Variants in VPS13B observed in about 807,000 individuals in gnomAD.
VPS13B encodes intermembrane lipid transfer protein VPS13B.
Under a neutral mutation model 426.4 loss-of-function variants are expected in VPS13B, and 285 were observed. The observed-to-expected ratio is 0.67, with a 90% CI of 0.61 to 0.74. The LOEUF (loss-of-function observed/expected upper bound fraction) is 0.74. Ranked by LOEUF, VPS13B falls within the 30% of genes least tolerant of loss-of-function variation. VPS13B has a pLI of 0.00. For synonymous variants in VPS13B, 1,676 were observed against 1,676.4 expected (o/e 1.00, Z 0.01); for missense variants, 4,537 against 4,782.6 (o/e 0.95, Z 1.51).
At chr8:99,080,150 A>G (rs1260338903) in intron 3 of VPS13B, among the ~76,000 whole-genome samples, 1 of 151,404 alleles carries the variant, frequency 6.6e-6, no homozygotes, top group Non-Finnish European at 1.5e-5. Context: ...ATTTTGTTGC[A>G]TGTTAGGTGT....
At chr8:99,480,503 G>A (rs569295999) in intron 24 of VPS13B, among the ~76,000 whole-genome samples, 19 of 152,044 alleles carry the variant, frequency 1.2e-4, no homozygotes, top group African/African-American at 4.6e-4. Flanking sequence ...TTTAAAAACT[G>A]GTTTGCAACA....
intron 3 of VPS13B, among the ~76,000 whole-genome samples, chr8:99,052,539 G>A (rs993973165): frequency 2.2e-5 from 3 of 134,708 alleles, no homozygotes; most frequent in Admixed American, 7.5e-5. Context: ...GATGATGCTG[G>A]CCTCATAAAA....
rs1200705406 is a variant in VPS13B at position 99,640,025 on chromosome 8, T to TAAG, written c.5221-1763_5221-1761dup. Among the ~76,000 whole-genome samples, 145 of 104,314 alleles carry TAAG rather than the reference T, an allele frequency of 1.4e-3. 2 individuals are homozygous for TAAG. Among genetic ancestry groups the TAAG allele is most frequent in the East Asian group, 7.9e-3 (31 of 3,902 alleles). The allele number at this position is 104,314 out of a possible 152,430, so 68.4% of individuals were successfully genotyped here. On this transcript the variant is annotated intron_variant, in intron 33 of 61. Coordinates refer to ENST00000357162, the MANE Select transcript of VPS13B (RefSeq NM_152564.5). ...ATAATAATAATAATAATAATAATAA[T>TAAG]AAGAAGAAGAAGAAGAAGAAGAAGA...
chr8:99,513,015 GAAAA>G (rs201570928), intron 29 of VPS13B, among the ~76,000 whole-genome samples: 3 of 103,514 alleles, frequency 2.9e-5, no homozygotes, highest in African/African-American at 1.1e-4. Context: ...TCTCAAGTGG[GAAAA>G]AAAAAAAAAA....
chr8:99,587,951 T>C (rs1826393922), intron 33 of VPS13B, among the ~76,000 whole-genome samples: 1 of 151,816 alleles, frequency 6.6e-6, no homozygotes, highest in Non-Finnish European at 1.5e-5. Flanking sequence ...TTTCATGGTT[T>C]TAGGTCTAAC....
At chr8:99,348,088 A>T (rs565611220) in intron 19 of VPS13B, 1 of 152,312 alleles carries the variant, frequency 6.6e-6, no homozygotes. Flanking sequence ...GCCTGGGGTC[A>T]TCTAGGTATC....
At chr8:99,840,843 A>C (rs1298538689) in intron 54 of VPS13B, among the ~76,000 whole-genome samples, 1 of 152,222 alleles carries the variant, frequency 6.6e-6, no homozygotes, top group African/African-American at 2.4e-5. Flanking sequence ...AGGAATTTTT[A>C]TAAAGAAAAA....
chr8:99,604,495 GTTTTTTTT>G (rs767971168), intron 33 of VPS13B, among the ~76,000 whole-genome samples: 1 of 115,260 alleles, frequency 8.7e-6, no homozygotes, highest in African/African-American at 3.3e-5. Flanking sequence ...TTTCCTTGGT[GTTTTTTTT>G]TTTTTTTTTT....
intron 19 of VPS13B, among the ~76,000 whole-genome samples, chr8:99,338,040 C>G (rs1450587380): frequency 6.6e-6 from 1 of 152,022 alleles, no homozygotes; most frequent in Non-Finnish European, 1.5e-5. Context: ...GAATTCTATT[C>G]TGGTTTTTTA....
At chr8:99,111,056 C>A in intron 5 of VPS13B, 42 bp from the exon 6 acceptor site, 1 of 1,535,326 alleles carries the variant, frequency 6.5e-7, no homozygotes, top group South Asian at 1.2e-5. Flanking sequence ...CTTTCCCCTG[C>A]TAATTTTCCT....
Position 99,808,993 on chromosome 8 carries a change from T to TTA in VPS13B, c.7942-381_7942-380insAT, listed in dbSNP as rs1303340869. ...AAAAACCCACAAACCAAATTTAGCT[T>TTA]TCATTACTGTCTAGCCATAAGAAGG... On this transcript the variant is annotated intron_variant, in intron 43 of 61. Coordinates refer to ENST00000357162, the MANE Select transcript of VPS13B (RefSeq NM_152564.5). Among the ~76,000 whole-genome samples the TTA allele has an allele frequency of 6.6e-5, 10 of 152,092 alleles. No homozygotes were observed. In the South Asian group the frequency reaches 1.2e-3, roughly 19 times the overall value.
At chr8:99,500,917 A>G (rs866838567) in intron 25 of VPS13B, among the ~76,000 whole-genome samples, 5 of 152,314 alleles carry the variant, frequency 3.3e-5, no homozygotes, top group Middle Eastern at 3.4e-3. Context: ...CCAAAAACAA[A>G]CAAACAAGAC....
chr8:99,567,605 G>A (rs560755656), intron 31 of VPS13B, among the ~76,000 whole-genome samples: 1 of 151,688 alleles, frequency 6.6e-6, no homozygotes, highest in Non-Finnish European at 1.5e-5. Flanking sequence ...AGTTCTTGTA[G>A]CATTGTGCAC....
At chr8:99,861,755 C>T in intron 57 of VPS13B, 21 bp from the exon 58 acceptor site, 1 of 1,584,164 alleles carries the variant, frequency 6.3e-7, no homozygotes, top group Non-Finnish European at 8.6e-7. Context: ...GGAGGCTAAC[C>T]CCATGCTCTT....
At chr8:99,472,164 T>G (rs1444400898) in intron 24 of VPS13B, among the ~76,000 whole-genome samples, 1 of 152,068 alleles carries the variant, frequency 6.6e-6, no homozygotes, top group Non-Finnish European at 1.5e-5. Context: ...GTAGGAAATT[T>G]TTATAACACC....
chr8:99,638,177 C>T (rs1173396790), intron 33 of VPS13B, among the ~76,000 whole-genome samples: 1 of 152,022 alleles, frequency 6.6e-6, no homozygotes, highest in Admixed American at 6.6e-5. Flanking sequence ...AGTCAGCACA[C>T]AATTATTAAG....
intron 39 of VPS13B, among the ~76,000 whole-genome samples, chr8:99,756,719 A>G (rs189771428): frequency 1.7e-3 from 265 of 152,316 alleles, no homozygotes; most frequent in African/African-American, 6.2e-3. Context: ...TAATGAGAAA[A>G]AGCCTGCCAA....
At chr8:99,620,133 T>C (rs1427084354) in intron 33 of VPS13B, among the ~76,000 whole-genome samples, 1 of 152,114 alleles carries the variant, frequency 6.6e-6, no homozygotes, top group Non-Finnish European at 1.5e-5. Flanking sequence ...TAAAATTCTT[T>C]CAAGTTTTTC....
intron 4 of VPS13B, among the ~76,000 whole-genome samples, chr8:99,102,470 A>G (rs1273813675): frequency 6.6e-6 from 1 of 152,124 alleles, no homozygotes; most frequent in African/African-American, 2.4e-5. Context: ...CATAACTTTT[A>G]AATATTTTTA....
Sources: gnomAD v4.1 joint callset for allele counts (sites outside exome capture counted in the v4.1 genomes callset) on GRCh38, gnomAD v4.1.1 for gene constraint, MANE v1.5 for transcripts, NCBI Gene and HGNC (gene_info 2026-07-23, HGNC 2026-07-21) for gene names.